The following UGGT2 variants were observed in gnomAD, a reference collection of about 807,000 sequenced individuals.
UGGT2 encodes the protein UDP-glucose:glycoprotein glucosyltransferase 2.
Under a neutral mutation model 192.1 loss-of-function variants are expected in UGGT2, and 180 were observed. That is an observed-to-expected ratio of 0.94 (90% CI 0.83 to 1.06). UGGT2 has a LOEUF of 1.06. Among genes scored for constraint, UGGT2 ranks in the 50% least tolerant of loss-of-function variants. The pLI is 0.00. For missense variants in UGGT2, 1,849 were observed against 1,795.7 expected (o/e 1.03, Z -0.54); for synonymous variants, 580 against 591.0 (o/e 0.98, Z 0.27).
chr13:95,889,080 T>C (rs372783774), intron 25 of UGGT2, among the ~76,000 whole-genome samples: 30 of 152,150 alleles, frequency 2.0e-4, no homozygotes, highest in African/African-American at 7.2e-4. Context: ...TAATTCCGTA[T>C]TTCTTACTCC....
At chr13:95,983,676 C>A (rs943205281) in intron 10 of UGGT2, 128 bp downstream of exon 10, 4 of 742,896 alleles carry the variant, frequency 5.4e-6, no homozygotes, top group Admixed American at 5.3e-5. Flanking sequence ...AATAGAAGAA[C>A]CCAGACTGTT....
At chr13:96,013,502 A>C in intron 4 of UGGT2, 21 bp from the exon 5 acceptor site, 1 of 1,471,696 alleles carries the variant, frequency 6.8e-7, no homozygotes, top group Non-Finnish European at 9.0e-7. Flanking sequence ...AGCAAAACAC[A>C]AAGTTTTGAA....
chr13:95,859,210 C>T (rs766649432), intron 33 of UGGT2, among the ~76,000 whole-genome samples: 3 of 152,058 alleles, frequency 2.0e-5, no homozygotes, highest in African/African-American at 2.4e-5. Flanking sequence ...CTATTTTCTA[C>T]GGTATAGGTA....
At chr13:95,878,514 G>T (rs2047405345) in intron 27 of UGGT2, among the ~76,000 whole-genome samples, 1 of 151,964 alleles carries the variant, frequency 6.6e-6, no homozygotes, top group South Asian at 2.1e-4. Context: ...ATTTTAAATG[G>T]CTGGACATTC....
chr13:95,928,193 G>A (rs1169546476), intron 17 of UGGT2, among the ~76,000 whole-genome samples: 9 of 152,254 alleles, frequency 5.9e-5, no homozygotes, highest in Non-Finnish European at 1.2e-4. Context: ...CCTCCCAGAC[G>A]GGGTGGCGGC....
chr13:95,903,580 T>C (rs967405697), intron 20 of UGGT2, among the ~76,000 whole-genome samples: 6 of 149,914 alleles, frequency 4.0e-5, no homozygotes, highest in African/African-American at 1.2e-4. Flanking sequence ...ATAAATGGAG[T>C]CATGCAGTAT....
At chr13:96,021,483 GAAT>G (rs1189496679) in intron 4 of UGGT2, among the ~76,000 whole-genome samples, 1 of 152,078 alleles carries the variant, frequency 6.6e-6, no homozygotes, top group Non-Finnish European at 1.5e-5. Flanking sequence ...TCCAGAATAA[GAAT>G]AATATGGCTG....
chr13:95,904,175 A>G (rs891387370), intron 20 of UGGT2, among the ~76,000 whole-genome samples: 7 of 152,120 alleles, frequency 4.6e-5, no homozygotes, highest in African/African-American at 1.7e-4. Flanking sequence ...TATAATGGGA[A>G]GCAGTCCTTA....
At chr13:95,932,490 T>G (rs999555908) in intron 17 of UGGT2, among the ~76,000 whole-genome samples, 1 of 152,160 alleles carries the variant, frequency 6.6e-6, no homozygotes, top group African/African-American at 2.4e-5. Context: ...GTTCTAGGAG[T>G]TGTCCGGTGG....
intron 5 of UGGT2, among the ~76,000 whole-genome samples, chr13:96,009,665 G>A (rs61973962): frequency 0.026 from 4,029 of 152,156 alleles, 60 homozygotes; most frequent in Non-Finnish European, 0.034. Context: ...AAAATTAGCC[G>A]GGCATGTTGG....
chr13:95,927,005 G>T, intron 19 of UGGT2, 23 bp downstream of exon 19: 1 of 1,566,510 alleles, frequency 6.4e-7, no homozygotes, highest in South Asian at 1.2e-5. Flanking sequence ...TAAGAATTCA[G>T]GTAAATAAAA....
chr13:95,883,385 A>G, intron 27 of UGGT2, among the ~76,000 whole-genome samples: 1 of 151,678 alleles, frequency 6.6e-6, no homozygotes, highest in East Asian at 1.9e-4. Context: ...AGAAGGAAGT[A>G]AGGACAATAA....
At chr13:95,854,004 C>T (rs1442700096) in intron 35 of UGGT2, among the ~76,000 whole-genome samples, 1 of 152,102 alleles carries the variant, frequency 6.6e-6, no homozygotes, top group Non-Finnish European at 1.5e-5. Flanking sequence ...AGCCATATTA[C>T]TTGGGTTTAA....
chr13:95,953,376 A>G (rs1295532099), intron 12 of UGGT2, among the ~76,000 whole-genome samples: 1 of 152,230 alleles, frequency 6.6e-6, no homozygotes, highest in Non-Finnish European at 1.5e-5. Context: ...TGATGCTGAC[A>G]AGGGGACAGT....
Position 95,847,042 on chromosome 13 carries a change from CTTTCT to C in UGGT2, c.4284+6496_4284+6500del, listed in dbSNP as rs201225918. Among the ~76,000 whole-genome samples, 375 of 139,760 alleles carry C rather than the reference CTTTCT, an allele frequency of 2.7e-3. 1 individual carries two copies. The highest frequency in any genetic ancestry group is 6.7e-3 in the African/African-American group (262 of 39,190). 91.7% of individuals were successfully genotyped at this position (139,760 alleles called of 152,430 possible). Reference sequence around the variant, plus strand: ...TTTTTAAAAATCTACAAAAATGCATCTTTCTTTTCTTTTCTTTTCTTTTTTTTTTT... The same window carrying C: ...TTTTTAAAAATCTACAAAAATGCATCTTTCTTTTCTTTTCTTTTTTTTTTT... On this transcript the variant is annotated intron_variant, in intron 36 of 38. Transcript: ENST00000376747.
chr13:95,884,494 C>A lies in UGGT2; in HGVS notation c.3225G>T (p.Lys1075Asn). Residue 1075 changes from lysine (K) to asparagine (N), a missense_variant, in exon 27 of 39, where the codon AAG becomes AAT. By Grantham distance (94) the Lys-to-Asn change is moderately conservative (BLOSUM62 0). Coordinates refer to ENST00000376747, the MANE Select transcript of UGGT2 (RefSeq NM_020121.4). ...SNCDLDNIHL[K>N]DTEKTVTAEY... is the part of the protein sequence containing the mutation. The stretch of plus-strand genomic sequence containing the variant: ...ATGACTATACACAATAACTTACATC[C>A]TTTAAGTGAATATTATCAAGGTCAC... 1 of 1,608,704 alleles carries A rather than the reference C, an allele frequency of 6.2e-7. No individual in the cohort carries two copies. Among genetic ancestry groups the A allele is most frequent in the South Asian group, 1.1e-5 (1 of 89,700 alleles).
intron 16 of UGGT2, among the ~76,000 whole-genome samples, chr13:95,937,929 T>C (rs1025183757): frequency 6.6e-6 from 1 of 152,012 alleles, no homozygotes; most frequent in African/African-American, 2.4e-5. Context: ...ATTTCCCACA[T>C]GTTGTGGGGG....
At chr13:95,949,298 A>C (rs770335297) in intron 13 of UGGT2, 37 bp downstream of exon 13, 1 of 1,413,290 alleles carries the variant, frequency 7.1e-7, no homozygotes, top group Middle Eastern at 2.7e-4. Context: ...TGATATCTTT[A>C]TAAGATATAT....
intron 12 of UGGT2, among the ~76,000 whole-genome samples, chr13:95,969,556 C>G (rs1378133710): frequency 6.6e-6 from 1 of 152,170 alleles, no homozygotes; most frequent in Non-Finnish European, 1.5e-5. Context: ...GCTTTCTAAG[C>G]ATGAGACAAA....
Sources: allele counts gnomAD v4.1 joint callset (sites outside exome capture counted in the v4.1 genomes callset), GRCh38; gene constraint gnomAD v4.1.1; transcripts MANE v1.5; gene names NCBI Gene and HGNC (gene_info 2026-07-23, HGNC 2026-07-21).